Variants in PHF21A observed in about 807,000 individuals in gnomAD.
The protein encoded by PHF21A is BHC80a.
PHF21A carries 11 observed loss-of-function variants against 82.5 expected under a neutral mutation model. The ratio of observed to expected loss-of-function variants is 0.13; its 90% CI spans 0.08 to 0.22. PHF21A has a LOEUF of 0.22. PHF21A is among the 10% of genes least tolerant of loss of function. The pLI, the probability that PHF21A is intolerant of heterozygous loss-of-function variation, is 1.00. For synonymous variants in PHF21A, 297 were observed against 302.8 expected, an observed-to-expected ratio of 0.98 and a Z score of 0.20; for missense variants, 579 against 837.8, an observed-to-expected ratio of 0.69 and a Z score of 3.81.
intron 6 of PHF21A, among the ~76,000 whole-genome samples, chr11:45,981,181 T>C (rs540236576): frequency 2.7e-5 from 4 of 150,464 alleles, no homozygotes; most frequent in Admixed American, 6.6e-5. Flanking sequence ...AGGTCAGGAG[T>C]TCAAGACCAG....
At chr11:46,107,013 T>C (rs1028535579) in intron 1 of PHF21A, among the ~76,000 whole-genome samples, 2 of 152,180 alleles carry the variant, frequency 1.3e-5, no homozygotes, top group Non-Finnish European at 2.9e-5. Flanking sequence ...CCTCCAGCTG[T>C]CCCCACGGCT....
At position 45,957,216 on chromosome 11, in the gene PHF21A, A is replaced by C. The variant is rs546014169; in HGVS notation, c.997-3591T>G. Among the ~76,000 whole-genome samples the C allele has an allele frequency of 2.3e-4, 8 of 34,924 alleles. No homozygotes were observed. In the Admixed American group the frequency reaches 3.5e-3, roughly 15 times the overall value. The allele number at this position is 34,924 out of a possible 152,430, so 22.9% of individuals were successfully genotyped here. On this transcript the variant is annotated intron_variant, in intron 10 of 18. Coordinates refer to ENST00000676320, the MANE Select transcript of PHF21A (RefSeq NM_001352027.3). Reference sequence around the variant, plus strand: ...GAGACTTCAATATCCCTCTTTAAGTAATGGATAAAACTTGTGCAGAGATTA... The same window carrying C: ...GAGACTTCAATATCCCTCTTTAAGTCATGGATAAAACTTGTGCAGAGATTA...
chr11:46,055,771 T>C (rs772189942), intron 6 of PHF21A, among the ~76,000 whole-genome samples: 1 of 152,160 alleles, frequency 6.6e-6, no homozygotes, highest in Non-Finnish European at 1.5e-5. Flanking sequence ...ATAAGTTACA[T>C]AGCAGGGGAT....
At chr11:45,966,366 G>A (rs1244837959) in intron 9 of PHF21A, among the ~76,000 whole-genome samples, 2 of 151,998 alleles carry the variant, frequency 1.3e-5, no homozygotes, top group East Asian at 3.9e-4. Context: ...ACAAATTTTG[G>A]AATCACTCTT....
chr11:45,972,095 C>G (rs1165093817), intron 7 of PHF21A, among the ~76,000 whole-genome samples: 2 of 151,494 alleles, frequency 1.3e-5, no homozygotes, highest in African/African-American at 4.9e-5. Context: ...AATCTTTTCT[C>G]TGGAGAACTG....
intron 1 of PHF21A, among the ~76,000 whole-genome samples, chr11:46,099,501 C>A (rs2097057518): frequency 7.2e-6 from 1 of 139,838 alleles, no homozygotes; most frequent in African/African-American, 2.6e-5. Flanking sequence ...GAGCAGGTGC[C>A]TTTCAGGCTA....
At position 45,975,322 on chromosome 11, in the gene PHF21A, CAAAATAAAATAAAATAAAATAAAAT is replaced by C. The variant is rs58576083; in HGVS notation, c.361-3980_361-3956del. Among the ~76,000 whole-genome samples, 41 of 112,162 alleles carry C rather than the reference CAAAATAAAATAAAATAAAATAAAAT, an allele frequency of 3.7e-4. 1 individual carries two copies. The East Asian group carries it at 4.2e-3, about 12-fold the overall frequency. The allele number at this position is 112,162 out of a possible 152,430, so 73.6% of individuals were successfully genotyped here. A position where few individuals can be genotyped will look rare whatever the true frequency, so the allele number is the denominator to read the frequency against. The stretch of plus-strand genomic sequence containing the variant: ...CAGTGAGACCCTGTCTCAAAGAAAA[CAAAATAAAATAAAATAAAATAAAAT>C]AAAATAAAATAAAATAAAATAAAAT... On this transcript the variant is annotated intron_variant, in intron 7 of 18. Coordinates refer to ENST00000676320, the MANE Select transcript of PHF21A (RefSeq NM_001352027.3).
intron 3 of PHF21A, among the ~76,000 whole-genome samples, chr11:46,087,045 C>T (rs2096865382): frequency 1.3e-5 from 2 of 152,126 alleles, no homozygotes; most frequent in South Asian, 2.1e-4. Context: ...ATACTCTGAG[C>T]TGTCTAGAAT....
intron 15 of PHF21A, among the ~76,000 whole-genome samples, chr11:45,944,100 G>C (rs1358602337): frequency 6.6e-6 from 1 of 152,196 alleles, no homozygotes; most frequent in African/African-American, 2.4e-5. Flanking sequence ...GAAAAACAAA[G>C]TGTCACAAAA....
chr11:45,948,859 A>G lies in PHF21A; in HGVS notation c.1288+27T>C, dbSNP rs200194466. ...CACACAAAGCAAAAGCAACAGCAGCAAGGGAGAGATACAAAAAGGTCCTCA... is the reference window on the plus strand; with the variant it reads ...CACACAAAGCAAAAGCAACAGCAGCGAGGGAGAGATACAAAAAGGTCCTCA... On this transcript the variant is annotated intron_variant, in intron 14 of 18. Coordinates refer to ENST00000676320, the MANE Select transcript of PHF21A (RefSeq NM_001352027.3). 91 of 1,582,130 alleles carry G rather than the reference A, an allele frequency of 5.8e-5. No homozygotes were observed. In the East Asian group the frequency reaches 1.9e-3, roughly 33 times the overall value.
chr11:45,961,723 A>C (rs1206370450), intron 10 of PHF21A, among the ~76,000 whole-genome samples: 1 of 152,164 alleles, frequency 6.6e-6, no homozygotes, highest in Admixed American at 6.5e-5. Flanking sequence ...GCATAATCTA[A>C]TAAACATTAA....
At chr11:45,962,718 C>A (rs1294248847) in intron 10 of PHF21A, among the ~76,000 whole-genome samples, 1 of 128,114 alleles carries the variant, frequency 7.8e-6, no homozygotes, top group Admixed American at 8.1e-5. Flanking sequence ...ATGGTGAAAC[C>A]CCATCTCTAC....
At chr11:46,035,869 C>T (rs1371750121) in intron 6 of PHF21A, among the ~76,000 whole-genome samples, 1 of 152,056 alleles carries the variant, frequency 6.6e-6, no homozygotes, top group African/African-American at 2.4e-5. Context: ...CACAAATTTG[C>T]GAGCCACGTT....
In PHF21A at chr11:46,034,634, C is replaced by A. The variant is rs562600606; in HGVS notation, c.153+42120G>T. Among the ~76,000 whole-genome samples, 4 of 152,278 alleles carry A rather than the reference C, an allele frequency of 2.6e-5. No homozygotes were observed. The East Asian group carries it at 5.8e-4, about 22-fold the overall frequency. On this transcript the variant is annotated intron_variant, in intron 6 of 18. Coordinates refer to ENST00000676320, the MANE Select transcript of PHF21A (RefSeq NM_001352027.3). ...CAAAAATTACGGTGACTATCCAGCT[C>A]ATGACAGGTCTCCCAGTGGCTATCT...
chr11:45,929,890 G>A lies in PHF21A; in HGVS notation c.*4078C>T, dbSNP rs2087506494. 1 of 152,400 alleles carries A rather than the reference G, an allele frequency of 6.6e-6. No individual in the cohort carries two copies. The highest frequency in any genetic ancestry group is 1.5e-5 in the Non-Finnish European group (1 of 68,234). The allele number at this position is 152,400 out of a possible 1,614,324, so 9.4% of individuals were successfully genotyped here. On this transcript the variant is annotated 3_prime_UTR_variant, in exon 19 of 19. Transcript: ENST00000676320. ...AGAGGACAGTCTAAGTCAGGGTGAG[G>A]ATGGGAGTCCTGCTTCCTGCCAGGG...
At chr11:45,936,099 G>A (rs547199339) in intron 17 of PHF21A, among the ~76,000 whole-genome samples, 9 of 152,214 alleles carry the variant, frequency 5.9e-5, no homozygotes, top group Non-Finnish European at 1.0e-4. Flanking sequence ...GTGACATGGC[G>A]AAACCTGTCT....
At chr11:46,034,949 C>T (rs960106182) in intron 6 of PHF21A, among the ~76,000 whole-genome samples, 2 of 152,194 alleles carry the variant, frequency 1.3e-5, no homozygotes, top group Admixed American at 1.3e-4. Flanking sequence ...CTAAAGGCTA[C>T]ATTCTCTGCC....
chr11:45,969,218 A>G (rs912412135), intron 9 of PHF21A, among the ~76,000 whole-genome samples: 2 of 152,192 alleles, frequency 1.3e-5, no homozygotes, highest in African/African-American at 4.8e-5. Context: ...GAATGGGGAA[A>G]TCTTGACATT....
intron 6 of PHF21A, among the ~76,000 whole-genome samples, chr11:45,981,134 C>A (rs928754600): frequency 3.3e-5 from 5 of 151,818 alleles, no homozygotes; most frequent in African/African-American, 7.3e-5. Flanking sequence ...GCCTGTAATC[C>A]CAGCACTTTA....
Sources: allele counts gnomAD v4.1 joint callset (sites outside exome capture counted in the v4.1 genomes callset), GRCh38; gene constraint gnomAD v4.1.1; transcripts MANE v1.5; gene names NCBI Gene and HGNC (gene_info 2026-07-23, HGNC 2026-07-21).